The following LRP1B variants were observed in gnomAD, a reference collection of about 807,000 sequenced individuals.
LRP1B encodes low-density lipoprotein receptor-related protein 1B.
LRP1B carries 217 observed loss-of-function variants against 556.6 expected under a neutral mutation model. That is an observed-to-expected ratio of 0.39 (90% CI 0.35 to 0.44). The LOEUF (loss-of-function observed/expected upper bound fraction) is 0.44. Ranked by LOEUF, LRP1B falls within the 20% of genes least tolerant of loss-of-function variation. The pLI is 1.00. For synonymous variants in LRP1B, 2,047 were observed against 1,865.8 expected (o/e 1.10, Z -2.50); for missense variants, 5,053 against 5,620.8 (o/e 0.90, Z 3.23).
chr2:140,975,250 A>G (rs768678584), intron 18 of LRP1B, among the ~76,000 whole-genome samples: 8 of 152,168 alleles, frequency 5.3e-5, no homozygotes, highest in South Asian at 4.1e-4. Flanking sequence ...GGAACCCTGA[A>G]GAAGGGAAAA....
At chr2:141,315,156 T>C (rs1239267797) in intron 3 of LRP1B, among the ~76,000 whole-genome samples, 2 of 149,640 alleles carry the variant, frequency 1.3e-5, no homozygotes, top group Admixed American at 6.7e-5. Context: ...TGATCAGAGA[T>C]AGAAACTTTT....
chr2:140,791,045 A>G (rs1690102073), intron 32 of LRP1B, among the ~76,000 whole-genome samples: 1 of 151,710 alleles, frequency 6.6e-6, no homozygotes, highest in Admixed American at 6.6e-5. Flanking sequence ...CCTGAGGTCA[A>G]GAGATCGAGA....
chr2:141,944,770 G>T (rs1335623562), intron 1 of LRP1B, among the ~76,000 whole-genome samples: 1 of 152,076 alleles, frequency 6.6e-6, no homozygotes, highest in Non-Finnish European at 1.5e-5. Context: ...AATAAGTCAC[G>T]AATACAGGTA....
Position 140,391,770 on chromosome 2 carries a change from T to C in LRP1B, c.10415-5761A>G, listed in dbSNP as rs145089719. On this transcript the variant is annotated intron_variant, in intron 66 of 90. Coordinates refer to ENST00000389484, the MANE Select transcript of LRP1B (RefSeq NM_018557.3). ...AACTATAAGTCATAGCAAAAAAAAGTACATACAAAGTACATATATTATTTT... is the reference window on the plus strand; with the variant it reads ...AACTATAAGTCATAGCAAAAAAAAGCACATACAAAGTACATATATTATTTT... Among the ~76,000 whole-genome samples the C allele has an allele frequency of 5.3e-5, 8 of 152,254 alleles. No homozygotes were observed. The East Asian group carries it at 1.5e-3, about 29-fold the overall frequency.
chr2:140,976,503 C>CTTTTTTT (rs1216208854), intron 18 of LRP1B, among the ~76,000 whole-genome samples: 13 of 105,328 alleles, frequency 1.2e-4, no homozygotes, highest in Non-Finnish European at 1.9e-4. Context: ...TTTTTTTTTC[C>CTTTTTTT]TTTTTTTTTT....
chr2:140,728,348 C>T (rs540170319), intron 35 of LRP1B, among the ~76,000 whole-genome samples: 2 of 152,238 alleles, frequency 1.3e-5, no homozygotes, highest in South Asian at 2.1e-4. Flanking sequence ...CACGTGAGAA[C>T]TAAAATGTGC....
chr2:141,589,775 T>A (rs78815818), intron 2 of LRP1B, among the ~76,000 whole-genome samples: 1,636 of 152,234 alleles, frequency 0.011, 14 homozygotes, highest in Middle Eastern at 0.027. Context: ...TCCTGGGAGG[T>A]GGGATGTTGC....
At chr2:142,094,538 A>G (rs1488010426) in intron 1 of LRP1B, among the ~76,000 whole-genome samples, 3 of 152,034 alleles carry the variant, frequency 2.0e-5, no homozygotes, top group Non-Finnish European at 4.4e-5. Context: ...AGTTCTATAA[A>G]CATAGAAAGA....
chr2:140,880,421 C>T (rs566703076), intron 25 of LRP1B, among the ~76,000 whole-genome samples: 1 of 152,200 alleles, frequency 6.6e-6, no homozygotes, highest in Non-Finnish European at 1.5e-5. Flanking sequence ...AGAAAAATAG[C>T]TCCTCCCTAA....
intron 3 of LRP1B, among the ~76,000 whole-genome samples, chr2:141,396,537 A>T (rs569025871): frequency 1.3e-5 from 2 of 152,164 alleles, no homozygotes; most frequent in Admixed American, 6.5e-5. Flanking sequence ...ATTTGATGGC[A>T]TTTCACTGAA....
At chr2:141,548,366 A>T (rs1012120658) in intron 2 of LRP1B, among the ~76,000 whole-genome samples, 3 of 152,216 alleles carry the variant, frequency 2.0e-5, no homozygotes, top group Non-Finnish European at 2.9e-5. Flanking sequence ...GATAAAATGA[A>T]GGGGGCTATG....
rs572667648 is a variant in LRP1B at position 140,883,437 on chromosome 2, G to C, written c.4169+380C>G. ...ACTATTTAGAACAAAGACTGGCCCT[G>C]TAGTTTCCAACCATTAGAAACAATT... is the stretch of plus-strand genomic sequence containing the variant. On this transcript the variant is annotated intron_variant, in intron 25 of 90. Coordinates refer to ENST00000389484, the MANE Select transcript of LRP1B (RefSeq NM_018557.3). Among the ~76,000 whole-genome samples, 3 of 152,140 alleles carry C rather than the reference G, an allele frequency of 2.0e-5. No individual in the cohort carries two copies. In the East Asian group the frequency reaches 5.8e-4, roughly 29 times the overall value.
intron 43 of LRP1B, among the ~76,000 whole-genome samples, chr2:140,585,888 C>T (rs972304399): frequency 3.9e-5 from 6 of 152,124 alleles, no homozygotes; most frequent in Non-Finnish European, 7.4e-5. Flanking sequence ...TGGCCTGCAG[C>T]TCATGCCATA....
chr2:141,569,493 A>G (rs970759662), intron 2 of LRP1B, among the ~76,000 whole-genome samples: 3 of 151,144 alleles, frequency 2.0e-5, no homozygotes, highest in African/African-American at 7.2e-5. Flanking sequence ...GAGAGGGAGG[A>G]ACTAGTCATA....
At chr2:140,725,904 AG>A (rs1011455726) in intron 35 of LRP1B, among the ~76,000 whole-genome samples, 2 of 152,054 alleles carry the variant, frequency 1.3e-5, no homozygotes, top group Non-Finnish European at 2.9e-5. Context: ...CCTCAACCTT[AG>A]CAACCAGTTT....
chr2:141,463,355 T>A (rs538768970), intron 3 of LRP1B, among the ~76,000 whole-genome samples: 2 of 151,474 alleles, frequency 1.3e-5, no homozygotes, highest in South Asian at 4.2e-4. Context: ...TCACTGAAAC[T>A]ATTACATGCC....
At chr2:141,610,327 A>AAAACTTAAAATC (rs1688065214) in intron 2 of LRP1B, among the ~76,000 whole-genome samples, 1 of 27,422 alleles carries the variant, frequency 3.6e-5, no homozygotes. Flanking sequence ...AAGTATAATA[A>AAAACTTAAAATC]TAATAATAAT....
At chr2:141,677,678 G>A (rs1333819492) in intron 2 of LRP1B, among the ~76,000 whole-genome samples, 3 of 152,064 alleles carry the variant, frequency 2.0e-5, no homozygotes, top group African/African-American at 7.2e-5. Context: ...TAGTAGAGAA[G>A]GGGTTTCTCC....
chr2:141,769,113 C>T (rs1233561765), intron 2 of LRP1B, among the ~76,000 whole-genome samples: 2 of 152,060 alleles, frequency 1.3e-5, no homozygotes, highest in East Asian at 3.9e-4. Context: ...GATTCCAAAC[C>T]CAGAGCACCT....
Sources: gnomAD v4.1 joint callset for allele counts (sites outside exome capture counted in the v4.1 genomes callset) on GRCh38, gnomAD v4.1.1 for gene constraint, MANE v1.5 for transcripts, NCBI Gene and HGNC (gene_info 2026-07-23, HGNC 2026-07-21) for gene names.